Variants in NETO1 observed in about 807,000 individuals in gnomAD.
The protein encoded by NETO1 is neuropilin and tolloid like 1, also known as neuropilin and tolloid-like protein 1.
NETO1 carries 26 observed loss-of-function variants against 61.3 expected under a neutral mutation model. The ratio of observed to expected loss-of-function variants is 0.42; its 90% CI spans 0.31 to 0.59. NETO1 has a LOEUF of 0.59. Among genes scored for constraint, NETO1 ranks in the 20% least tolerant of loss-of-function variants. The probability of loss-of-function intolerance (pLI) is 0.12; values close to 1 mark genes in which losing one functional copy is unlikely to be tolerated. For synonymous variants in NETO1, 225 were observed against 225.8 expected (o/e 1.00, Z 0.03); for missense variants, 531 against 662.8 (o/e 0.80, Z 2.18).
intron 4 of NETO1, among the ~76,000 whole-genome samples, chr18:72,844,074 C>T (rs1392503475): frequency 6.6e-6 from 1 of 152,164 alleles, no homozygotes; most frequent in Non-Finnish European, 1.5e-5. Context: ...CTCATTGTTA[C>T]GTCTCTTGAA....
intron 6 of NETO1, among the ~76,000 whole-genome samples, chr18:72,791,571 C>T (rs1417147999): frequency 6.6e-6 from 1 of 152,154 alleles, no homozygotes; most frequent in African/African-American, 2.4e-5. Context: ...ATGCCAAATT[C>T]TGTAACAGAC....
At chr18:72,791,246 T>G (rs906388373) in intron 6 of NETO1, among the ~76,000 whole-genome samples, 2 of 152,172 alleles carry the variant, frequency 1.3e-5, no homozygotes, top group African/African-American at 4.8e-5. Context: ...AAATAATGTG[T>G]ATACATTTTA....
chr18:72,819,671 C>A (rs1405626013), intron 4 of NETO1, among the ~76,000 whole-genome samples: 1 of 152,060 alleles, frequency 6.6e-6, no homozygotes, highest in Non-Finnish European at 1.5e-5. Context: ...GTTTAAAATT[C>A]TTCTCCTGAA....
At chr18:72,819,597 G>T (rs551460979) in intron 4 of NETO1, among the ~76,000 whole-genome samples, 61 of 152,042 alleles carry the variant, frequency 4.0e-4, no homozygotes, top group Non-Finnish European at 8.5e-4. Flanking sequence ...AAAAAACTTT[G>T]ATTTGAAATA....
intron 4 of NETO1, among the ~76,000 whole-genome samples, chr18:72,819,331 C>T (rs1469584948): frequency 1.3e-5 from 2 of 152,112 alleles, no homozygotes; most frequent in South Asian, 2.1e-4. Context: ...GATAACAAAC[C>T]TTTACATATA....
At chr18:72,782,734 G>A (rs531851951) in intron 7 of NETO1, among the ~76,000 whole-genome samples, 5 of 152,150 alleles carry the variant, frequency 3.3e-5, no homozygotes, top group Admixed American at 2.6e-4. Flanking sequence ...AACCCGGGAG[G>A]CAAAGGTTGC....
intron 6 of NETO1, among the ~76,000 whole-genome samples, chr18:72,784,593 A>T (rs146911840): frequency 6.6e-6 from 1 of 152,306 alleles, no homozygotes; most frequent in African/African-American, 2.4e-5. Flanking sequence ...GGCCCATTTT[A>T]TTGTCATATT....
chr18:72,867,145 G>T (rs1486799444), intron 1 of NETO1, 119 bp downstream of exon 1: 3 of 686,944 alleles, frequency 4.4e-6, no homozygotes, highest in East Asian at 3.4e-5. Flanking sequence ...CCCGACCCGC[G>T]CGGGACTGCA....
At chr18:72,860,428 A>C (rs753745) in intron 3 of NETO1, among the ~76,000 whole-genome samples, 43,600 of 152,104 alleles carry the variant, frequency 0.29, 6,487 homozygotes, top group Middle Eastern at 0.38. Context: ...GTTTTCAAAA[A>C]TGTATGTAAG....
Position 72,746,311 on chromosome 18 carries a change from T to C in NETO1, c.*1868A>G, listed in dbSNP as rs560086929. On this transcript the variant is annotated 3_prime_UTR_variant, in exon 11 of 11. Transcript: ENST00000327305. Reference sequence around the variant, plus strand: ...TTTAAAAAAATCTTTGGTGTATTAATTTTAAATTAAAGGGCAAAAAAGGAA... The same window carrying C: ...TTTAAAAAAATCTTTGGTGTATTAACTTTAAATTAAAGGGCAAAAAAGGAA... 4.1e-4 allele frequency among the ~76,000 whole-genome samples: 62 copies of C among 152,240 alleles called. No individual in the cohort carries two copies. The highest frequency in any genetic ancestry group is 1.2e-3 in the African/African-American group (50 of 41,560).
chr18:72,809,348 C>G lies in NETO1; in HGVS notation c.470-14944G>C, dbSNP rs960220812. 2.0e-5 allele frequency among the ~76,000 whole-genome samples: 3 copies of G among 151,962 alleles called. No homozygotes were observed. The East Asian group carries it at 5.8e-4, about 29-fold the overall frequency. On this transcript the variant is annotated intron_variant, in intron 4 of 10. Transcript: ENST00000327305. ...AATACTTAATTTCTTAAAAAGCCAC[C>G]GACGAGGAAAATTTAATATGCTGAA...
At chr18:72,755,892 C>G in intron 8 of NETO1, 142 bp downstream of exon 8, 2 of 510,938 alleles carry the variant, frequency 3.9e-6, no homozygotes, top group Non-Finnish European at 7.2e-6. Flanking sequence ...AAAACGCTTA[C>G]AAATCAATTA....
At chr18:72,787,147 G>T (rs2071948838) in intron 6 of NETO1, among the ~76,000 whole-genome samples, 1 of 149,550 alleles carries the variant, frequency 6.7e-6, no homozygotes, top group Non-Finnish European at 1.5e-5. Flanking sequence ...TAAAATCTAG[G>T]TATTATACAA....
chr18:72,770,149 A>C (rs2071306784), intron 7 of NETO1, among the ~76,000 whole-genome samples: 1 of 152,022 alleles, frequency 6.6e-6, no homozygotes, highest in African/African-American at 2.4e-5. Flanking sequence ...ATATGTTTAC[A>C]TGTTTGCTTC....
intron 8 of NETO1, among the ~76,000 whole-genome samples, chr18:72,755,244 T>C (rs12326547): frequency 0.27 from 41,288 of 152,098 alleles, 6,303 homozygotes; most frequent in African/African-American, 0.39. Context: ...AACAACAAAA[T>C]AGTTGATAGT....
chr18:72,810,173 T>C (rs1240049005), intron 4 of NETO1, among the ~76,000 whole-genome samples: 1 of 152,230 alleles, frequency 6.6e-6, no homozygotes, highest in African/African-American at 2.4e-5. Context: ...ACTAAGTACA[T>C]GATTACCAAA....
intron 7 of NETO1, among the ~76,000 whole-genome samples, chr18:72,772,709 G>A (rs1253982081): frequency 2.1e-5 from 3 of 143,930 alleles, no homozygotes; most frequent in Non-Finnish European, 3.1e-5. Context: ...ATATATATAT[G>A]ATATACACGT....
At chr18:72,762,854 T>C (rs1282538123) in intron 7 of NETO1, among the ~76,000 whole-genome samples, 3 of 152,192 alleles carry the variant, frequency 2.0e-5, no homozygotes, top group African/African-American at 7.2e-5. Context: ...GCAAATTATG[T>C]AGCAGGGGAC....
At chr18:72,809,877 A>C (rs1217246837) in intron 4 of NETO1, among the ~76,000 whole-genome samples, 1 of 152,242 alleles carries the variant, frequency 6.6e-6, no homozygotes, top group East Asian at 1.9e-4. Context: ...TACTTGCTAC[A>C]TGCCAAGATA....
Sources: gnomAD v4.1 joint callset for allele counts (sites outside exome capture counted in the v4.1 genomes callset) on GRCh38, gnomAD v4.1.1 for gene constraint, MANE v1.5 for transcripts, NCBI Gene and HGNC (gene_info 2026-07-23, HGNC 2026-07-21) for gene names.